Variants in NALCN observed in about 807,000 individuals in gnomAD.
NALCN encodes sodium leak channel, non-selective, also known as sodium leak channel NALCN.
In NALCN, 111 loss-of-function variants were observed where a neutral mutation model predicts 225.3. The ratio of observed to expected loss-of-function variants is 0.49; its 90% CI spans 0.42 to 0.58. The LOEUF (loss-of-function observed/expected upper bound fraction) is 0.58. Ranked by LOEUF, NALCN falls within the 20% of genes least tolerant of loss-of-function variation. NALCN has a pLI of 0.00. For missense variants in NALCN, 1,378 were observed against 2,202.4 expected (o/e 0.63, Z 7.49); for synonymous variants, 764 against 769.0 (o/e 0.99, Z 0.11).
At position 101,247,210 on chromosome 13, in the gene NALCN, A is replaced by C. The variant is rs117586698; in HGVS notation, c.1267-9288T>G. ...GCTAAGGAAAGGACAGAGACCAACT[A>C]CCCAAGGCTAAGACCTTATAGGCAG... is the stretch of plus-strand genomic sequence containing the variant. On this transcript the variant is annotated intron_variant, in intron 11 of 43. Coordinates refer to ENST00000251127, the MANE Select transcript of NALCN (RefSeq NM_052867.4). Among the ~76,000 whole-genome samples the C allele has an allele frequency of 3.9e-3, 592 of 152,238 alleles. 1 individual carries two copies. Among genetic ancestry groups the C allele is most frequent in the Non-Finnish European group, 6.7e-3 (458 of 68,010 alleles).
At chr13:101,129,715 AT>A (rs34648262) in intron 17 of NALCN, among the ~76,000 whole-genome samples, 112,862 of 137,408 alleles carry the variant, frequency 0.82, 47,457 homozygotes, top group East Asian at 0.95. Flanking sequence ...ATGACCCAGG[AT>A]TTTTTTTTTT....
At chr13:101,255,695 G>C (rs975259406) in intron 11 of NALCN, among the ~76,000 whole-genome samples, 1 of 152,026 alleles carries the variant, frequency 6.6e-6, no homozygotes, top group African/African-American at 2.4e-5. Flanking sequence ...ACTAATCTTT[G>C]AGTCTCTCCT....
intron 6 of NALCN, among the ~76,000 whole-genome samples, chr13:101,367,256 CTA>C (rs1424540719): frequency 6.6e-6 from 1 of 151,950 alleles, no homozygotes; most frequent in Non-Finnish European, 1.5e-5. Context: ...TCCTAGTACT[CTA>C]TTACATTGTT....
intron 13 of NALCN, among the ~76,000 whole-genome samples, chr13:101,225,383 C>T (rs1217433538): frequency 6.6e-6 from 1 of 152,198 alleles, no homozygotes. Flanking sequence ...AATCAATCTT[C>T]ACCTGTTCCA....
intron 13 of NALCN, among the ~76,000 whole-genome samples, chr13:101,216,380 C>G (rs1054927942): frequency 2.0e-5 from 3 of 152,042 alleles, no homozygotes; most frequent in African/African-American, 7.2e-5. Context: ...ACAAAACACA[C>G]ATCAAAATCA....
chr13:101,199,008 G>GAAACTATCATTCTCAGC (rs1054243883), intron 13 of NALCN, among the ~76,000 whole-genome samples: 3 of 152,118 alleles, frequency 2.0e-5, no homozygotes, highest in African/African-American at 7.2e-5. Flanking sequence ...GATGAAGCTG[G>GAAACTATCATTCTCAGC]AAACTATCAT....
chr13:101,297,731 C>T (rs563082850), intron 7 of NALCN, among the ~76,000 whole-genome samples: 8 of 152,302 alleles, frequency 5.3e-5, no homozygotes, highest in African/African-American at 1.9e-4. Flanking sequence ...CTTATCTGGT[C>T]CTTTAACTCT....
At chr13:101,312,665 G>C (rs113936962) in intron 7 of NALCN, among the ~76,000 whole-genome samples, 1 of 152,034 alleles carries the variant, frequency 6.6e-6, no homozygotes. Flanking sequence ...ATGTAGTTGA[G>C]CGGTTTTGAG....
At chr13:101,353,775 A>G (rs1285544765) in intron 6 of NALCN, among the ~76,000 whole-genome samples, 1 of 152,134 alleles carries the variant, frequency 6.6e-6, no homozygotes, top group Non-Finnish European at 1.5e-5. Context: ...AATTGTAGCC[A>G]TCATGCATAA....
chr13:101,300,752 C>A (rs779632120), intron 7 of NALCN, among the ~76,000 whole-genome samples: 1 of 152,200 alleles, frequency 6.6e-6, no homozygotes, highest in Non-Finnish European at 1.5e-5. Context: ...TGCCACGTGG[C>A]ATATCAAGGC....
intron 7 of NALCN, among the ~76,000 whole-genome samples, chr13:101,338,612 C>T (rs993716819): frequency 3.3e-5 from 5 of 152,066 alleles, no homozygotes; most frequent in Admixed American, 6.5e-5. Flanking sequence ...ATCACCAGTT[C>T]GATGGTGTTT....
rs2043579681 is a variant in NALCN, at chr13:101,292,182, A to G, written c.942+42T>C. 6.2e-7 allele frequency: 1 copy of G among 1,612,972 alleles called. No individual in the cohort carries two copies. Among genetic ancestry groups the G allele is most frequent in the Admixed American group, 1.7e-5 (1 of 59,874 alleles). ...AACCAAACAAAAGATCTGCAGAACT[A>G]TCACAGAACATAGACTTTCTTAGTA... On this transcript the variant is annotated intron_variant, in intron 8 of 43. Coordinates refer to ENST00000251127, the MANE Select transcript of NALCN (RefSeq NM_052867.4). The surrounding 1 kb of genome is among the most constrained non-coding windows in gnomAD (Gnocchi z 4.3).
intron 14 of NALCN, chr13:101,180,873 T>G: frequency 2.8e-6 from 1 of 357,354 alleles, no homozygotes; most frequent in Non-Finnish European, 5.5e-6. Context: ...GTCTCTCTCA[T>G]GCTCCATCCC....
intron 17 of NALCN, among the ~76,000 whole-genome samples, chr13:101,138,820 T>C (rs1327068043): frequency 2.0e-5 from 3 of 150,184 alleles, no homozygotes; most frequent in Non-Finnish European, 2.9e-5. Flanking sequence ...TTAAGGAAAC[T>C]AGAGTTTAAT....
At chr13:101,178,240 G>C (rs1278697020) in intron 14 of NALCN, among the ~76,000 whole-genome samples, 1 of 152,136 alleles carries the variant, frequency 6.6e-6, no homozygotes. Context: ...CCTTCTGCAG[G>C]AGGGGATATC....
chr13:101,146,367 T>C (rs1009595713), intron 15 of NALCN, among the ~76,000 whole-genome samples: 2 of 152,182 alleles, frequency 1.3e-5, no homozygotes, highest in African/African-American at 4.8e-5. Flanking sequence ...GTGTGCAAAA[T>C]GGCACGTTCT....
intron 3 of NALCN, among the ~76,000 whole-genome samples, chr13:101,380,888 ACACAC>A (rs1287702799): frequency 2.0e-5 from 3 of 146,946 alleles, no homozygotes; most frequent in African/African-American, 7.5e-5. Flanking sequence ...ACACACACAC[ACACAC>A]CACCATCACC....
rs561303581 is a variant in NALCN, at chr13:101,233,567, C to A, written c.1435-3983G>T. ...ATGTTAGCCGGGATAGTCTTGATCT[C>A]CTGACCTCGTGATCCACCCGCCTCG... On this transcript the variant is annotated intron_variant, in intron 12 of 43. Transcript: ENST00000251127. Among the ~76,000 whole-genome samples the A allele has an allele frequency of 5.9e-5, 9 of 152,174 alleles. No homozygotes were observed. In the South Asian group the frequency reaches 1.9e-3, roughly 32 times the overall value.
chr13:101,104,794 AT>A lies in NALCN; in HGVS notation c.2636+99del. 6.4e-7 allele frequency: 1 copy of A among 1,554,878 alleles called. No individual in the cohort carries two copies. The highest frequency in any genetic ancestry group is 8.8e-7 in the Non-Finnish European group (1 of 1,131,930). ...CCAATCATCTATTTCATAGCACTAT[AT>A]AGCAAGAAAATAAAAGAGAATTTTA... On this transcript the variant is annotated intron_variant, in intron 23 of 43. Coordinates refer to ENST00000251127, the MANE Select transcript of NALCN (RefSeq NM_052867.4). The surrounding 1 kb of genome is among the most constrained non-coding windows in gnomAD (Gnocchi z 4.2).
Sources: allele counts gnomAD v4.1 joint callset (sites outside exome capture counted in the v4.1 genomes callset), GRCh38; gene constraint gnomAD v4.1.1; non-coding constraint Gnocchi (gnomAD v3.1); transcripts MANE v1.5; gene names NCBI Gene and HGNC (gene_info 2026-07-23, HGNC 2026-07-21).